Variants in SPATA22 observed in about 807,000 individuals in gnomAD.
SPATA22 encodes the protein spermatogenesis associated 22, also known as spermatogenesis-associated protein 22.
Under a neutral mutation model 47.8 loss-of-function variants are expected in SPATA22, and 29 were observed. The observed-to-expected ratio is 0.61, with a 90% CI of 0.45 to 0.83. SPATA22 has a LOEUF of 0.83. SPATA22 is among the 40% of genes least tolerant of loss of function. The pLI is 0.00. For missense variants in SPATA22, 410 were observed against 421.7 expected (o/e 0.97, Z 0.24); for synonymous variants, 133 against 140.9 (o/e 0.94, Z 0.40).
At chr17:3,494,203 C>T in intron 1 of SPATA22, 1 of 645,230 alleles carries the variant, frequency 1.5e-6, no homozygotes, top group Non-Finnish European at 2.9e-6. Flanking sequence ...TGGGGTTCAC[C>T]ATGTTGGCCA....
chr17:3,470,750 C>CA (rs11339645), intron 1 of SPATA22, among the ~76,000 whole-genome samples: 28,729 of 146,952 alleles, frequency 0.2, 2,875 homozygotes, highest in Middle Eastern at 0.35. Flanking sequence ...GACTCCGTCT[C>CA]AAAAAAAAAA....
At chr17:3,476,522 A>G, upstream of SPATA22, 1 of 875,612 alleles carries the variant, frequency 1.1e-6, no homozygotes, top group Non-Finnish European at 1.9e-6. Flanking sequence ...TATGTTGAAT[A>G]AGATCACTTT....
chr17:3,464,986 G>A (rs2073254363), intron 3 of SPATA22, among the ~76,000 whole-genome samples: 1 of 93,096 alleles, frequency 1.1e-5, no homozygotes, highest in African/African-American at 2.9e-5. Flanking sequence ...GAGCCCCTCT[G>A]CCCGGCCAGC....
intron 5 of SPATA22, among the ~76,000 whole-genome samples, chr17:3,451,871 T>C (rs4790485): frequency 0.24 from 35,340 of 150,298 alleles, 4,398 homozygotes; most frequent in East Asian, 0.43. Flanking sequence ...CACTTGAACC[T>C]GGGAGGCGGA....
intron 3 of SPATA22, among the ~76,000 whole-genome samples, chr17:3,464,731 A>T (rs1375485806): frequency 8.3e-6 from 1 of 121,194 alleles, no homozygotes; most frequent in South Asian, 2.8e-4. Context: ...AAGGGAGGAG[A>T]CCCTCCGCCC....
In SPATA22 at chr17:3,490,125, A is replaced by G. The variant is rs2073799333; in HGVS notation, c.-73-20727T>C. 6.6e-6 allele frequency among the ~76,000 whole-genome samples: 1 copy of G among 152,212 alleles called. No individual in the cohort carries two copies. The highest frequency in any genetic ancestry group is 1.5e-5 in the Non-Finnish European group (1 of 68,030). On this transcript the variant is annotated intron_variant, in intron 1 of 8. Transcript: ENST00000541913. The surrounding 1 kb of genome is among the most constrained non-coding windows in gnomAD (Gnocchi z 4.6). ...ATATATATGTTAACACATCACAGGG[A>G]AAGTCCTAGAAGAAAACACACCAAA...
chr17:3,507,736 T>C (rs2074055308), intron 1 of SPATA22, among the ~76,000 whole-genome samples: 1 of 152,160 alleles, frequency 6.6e-6, no homozygotes, highest in Non-Finnish European at 1.5e-5. Context: ...ATAACCAACA[T>C]GACCGGAAGA....
At chr17:3,481,933 G>A (rs1478484370) in intron 1 of SPATA22, 2 of 821,802 alleles carry the variant, frequency 2.4e-6, no homozygotes, top group African/African-American at 1.7e-5. Context: ...GCCAGGCTTG[G>A]TGGTTGGGGG....
rs1368882211 is a variant in SPATA22, at chr17:3,465,300, G to A, written c.172+2126C>T. Among the ~76,000 whole-genome samples, 3 of 151,872 alleles carry A rather than the reference G, an allele frequency of 2.0e-5. No homozygotes were observed. The East Asian group carries it at 5.8e-4, about 30-fold the overall frequency. On this transcript the variant is annotated intron_variant, in intron 3 of 8. Coordinates refer to ENST00000572969, the MANE Select transcript of SPATA22 (RefSeq NM_001170698.2). Reference sequence around the variant, plus strand: ...GTGTGCCCAACAGCTCATTGAGAACGGGCCATGATGACAATGGCGGTTTTG... The same window carrying A: ...GTGTGCCCAACAGCTCATTGAGAACAGGCCATGATGACAATGGCGGTTTTG...
In SPATA22 at chr17:3,498,944, T is replaced by C; in HGVS notation, c.-74+14468A>G. ...GGGATCCCATGTTTTTAACTCTTGA[T>C]GGGAAGACGATCCCACTGGGCGGAG... On this transcript the variant is annotated intron_variant, in intron 1 of 8. Transcript: ENST00000541913. 6.2e-7 allele frequency: 1 copy of C among 1,612,662 alleles called. No homozygotes were observed. Among genetic ancestry groups the C allele is most frequent in the Non-Finnish European group, 8.5e-7 (1 of 1,179,098 alleles).
At chr17:3,465,150 G>T in intron 3 of SPATA22, among the ~76,000 whole-genome samples, 2 of 116,532 alleles carry the variant, frequency 1.7e-5, no homozygotes, top group South Asian at 3.0e-4. Flanking sequence ...GTCCGGGAGG[G>T]AGGTGGGGGG....
chr17:3,457,724 A>C (rs540142461), intron 5 of SPATA22, among the ~76,000 whole-genome samples: 1 of 152,206 alleles, frequency 6.6e-6, no homozygotes, highest in Non-Finnish European at 1.5e-5. Flanking sequence ...ACAATGAGAA[A>C]AAAAGTCTCT....
rs770196261 is a variant in SPATA22 at position 3,446,513 on chromosome 17, C to T, written c.761G>A (p.Arg254His). 1.2e-5 allele frequency: 19 copies of T among 1,609,006 alleles called. No individual in the cohort carries two copies. The highest frequency in any genetic ancestry group is 6.7e-5 in the African/African-American group (5 of 74,626). The change falls in exon 7 of 9, where the codon CGT (arginine) becomes CAT (histidine). Residue 254 changes from arginine (R) to histidine (H), a missense_variant. Transcript: ENST00000572969. ...SAVIESMKYW[R>H]EHAQKTVLLF... Reference sequence around the variant, plus strand: ...AAGTACAGTTTTCTGTGCATGTTCACGCCAATACTTCATGCTTTCAATAAC... The same window carrying T: ...AAGTACAGTTTTCTGTGCATGTTCATGCCAATACTTCATGCTTTCAATAAC...
chr17:3,449,247 T>A, intron 5 of SPATA22, 98 bp from the exon 6 acceptor site: 1 of 882,592 alleles, frequency 1.1e-6, no homozygotes, highest in South Asian at 1.9e-5. Context: ...AATTTATGAC[T>A]TAGAAAGCAC....
intron 1 of SPATA22, among the ~76,000 whole-genome samples, chr17:3,493,217 G>A (rs1160948340): frequency 2.0e-5 from 3 of 152,172 alleles, no homozygotes; most frequent in African/African-American, 4.8e-5. Context: ...CAGGCTGCCT[G>A]CATCACAAGA....
At chr17:3,470,271 C>T (rs2073398263) in intron 1 of SPATA22, among the ~76,000 whole-genome samples, 1 of 152,090 alleles carries the variant, frequency 6.6e-6, no homozygotes, top group Non-Finnish European at 1.5e-5. Flanking sequence ...TAACACATTT[C>T]ATCCCCAATC....
chr17:3,502,175 T>C (rs569022525), intron 1 of SPATA22: 1 of 152,376 alleles, frequency 6.6e-6, no homozygotes, highest in South Asian at 2.1e-4. Context: ...AAAAAGATCA[T>C]GAATTGCTGA....
chr17:3,457,328 G>A (rs1451006864), intron 5 of SPATA22, among the ~76,000 whole-genome samples: 3 of 152,196 alleles, frequency 2.0e-5, no homozygotes, highest in Admixed American at 6.5e-5. Context: ...ATCTCCTTAA[G>A]CTGATAAGCA....
intron 1 of SPATA22, among the ~76,000 whole-genome samples, chr17:3,471,021 G>A (rs2073420303): frequency 6.6e-6 from 1 of 151,964 alleles, no homozygotes; most frequent in Non-Finnish European, 1.5e-5. Context: ...CGGGCATGGT[G>A]GTGCGTGCCT....
Sources: gnomAD v4.1 joint callset for allele counts (sites outside exome capture counted in the v4.1 genomes callset) on GRCh38, gnomAD v4.1.1 for gene constraint, Gnocchi (gnomAD v3.1) non-coding constraint, MANE v1.5 for transcripts, NCBI Gene and HGNC (gene_info 2026-07-23, HGNC 2026-07-21) for gene names.